The following SMUG1 variants were observed in gnomAD, a reference collection of about 807,000 sequenced individuals.
The protein encoded by SMUG1 is single-strand selective monofunctional uracil DNA glycosylase.
A neutral mutation model predicts 23.9 loss-of-function variants in SMUG1; 13 were observed. The observed-to-expected ratio is 0.54, with a 90% CI of 0.35 to 0.86. The LOEUF is 0.86. Among genes scored for constraint, SMUG1 ranks in the 40% least tolerant of loss-of-function variants. The pLI is 0.01. For missense variants in SMUG1, 313 were observed against 339.5 expected, an observed-to-expected ratio of 0.92 and a Z score of 0.61; for synonymous variants, 133 against 139.8, an observed-to-expected ratio of 0.95 and a Z score of 0.34.
intron 3 of SMUG1, among the ~76,000 whole-genome samples, chr12:54,166,382 T>C (rs1478509910): frequency 6.6e-6 from 1 of 151,918 alleles, no homozygotes; most frequent in African/African-American, 2.4e-5. Context: ...GATAAATAAA[T>C]GTCAGAGGCC....
Position 54,182,529 on chromosome 12 carries a change from A to G in SMUG1, c.380T>C (p.Leu127Pro). The G allele has an allele frequency of 6.2e-7, 1 of 1,614,180 alleles. No individual in the cohort carries two copies. The highest frequency in any genetic ancestry group is 8.5e-7 in the Non-Finnish European group (1 of 1,180,018). Residue 127 changes from leucine to proline, a missense_variant, in exon 4 of 4, where the codon CTG becomes CCG. Coordinates refer to ENST00000682136, the MANE Select transcript of SMUG1 (RefSeq NM_001243787.2). ...TTCTGACTGTGGGCACTCCAGTCCC[A>G]GCACTGGTCGTTTAGGATGCTCTTG... is the stretch of plus-strand genomic sequence containing the variant. ...PPQEHPKRPV[L>P]GLECPQSEVS...
At chr12:54,164,476 G>C (rs1241725163), downstream of SMUG1, 1 of 152,414 alleles carries the variant, frequency 6.6e-6, no homozygotes, top group Non-Finnish European at 1.5e-5. Context: ...CAGCAAGCCA[G>C]AGCCAGCACA....
chr12:54,186,552 G>C (rs928371327), intron 2 of SMUG1, among the ~76,000 whole-genome samples: 1 of 152,078 alleles, frequency 6.6e-6, no homozygotes, highest in African/African-American at 2.4e-5. Context: ...ATGTTGGTCA[G>C]GCTGGTCTCG....
intron 2 of SMUG1, among the ~76,000 whole-genome samples, chr12:54,185,305 C>CA (rs759445921): frequency 0.026 from 3,604 of 137,598 alleles, 67 homozygotes; most frequent in Non-Finnish European, 0.041. Context: ...AACTCTCTCT[C>CA]AAAAAAAAAA....
intron 3 of SMUG1, chr12:54,165,538 G>C (rs920210932): frequency 1.3e-5 from 2 of 152,220 alleles, no homozygotes; most frequent in African/African-American, 4.8e-5. Context: ...CAGGCATGCT[G>C]ATGCAGGACT....
At chr12:54,164,214 C>T (rs1020132110), downstream of SMUG1, among the ~76,000 whole-genome samples, 1 of 150,414 alleles carries the variant, frequency 6.6e-6, no homozygotes, top group Non-Finnish European at 1.5e-5. Context: ...GAGGGGAACC[C>T]ACTGGGGCAG....
chr12:54,179,267 T>C (rs2136559648), downstream of SMUG1, among the ~76,000 whole-genome samples: 1 of 152,266 alleles, frequency 6.6e-6, no homozygotes. Context: ...AAACTCCTTT[T>C]CATATATACA....
At chr12:54,158,687 G>A (rs759014716) in intron 4 of SMUG1, among the ~76,000 whole-genome samples, 6 of 152,038 alleles carry the variant, frequency 3.9e-5, no homozygotes, top group Non-Finnish European at 8.8e-5. Context: ...ACCTCCTCAA[G>A]CGTCCAGTTC....
At chr12:54,159,925 G>A (rs1940190380), downstream of SMUG1, among the ~76,000 whole-genome samples, 1 of 152,254 alleles carries the variant, frequency 6.6e-6, no homozygotes, top group African/African-American at 2.4e-5. Flanking sequence ...CTTGGGCACA[G>A]ATGGGCGTGT....
chr12:54,185,492 AT>A (rs59211878), intron 2 of SMUG1, among the ~76,000 whole-genome samples: 17,267 of 86,804 alleles, frequency 0.2, 4,995 homozygotes, highest in Non-Finnish European at 0.25. Flanking sequence ...TAAAAAATAA[AT>A]AAATAAATAA....
rs373898151 is a variant in SMUG1, at chr12:54,182,181, C to T, written c.728G>A (p.Arg243His). 1.7e-5 allele frequency: 28 copies of T among 1,609,734 alleles called. No homozygotes were observed. The highest frequency in any genetic ancestry group is 2.0e-5 in the Non-Finnish European group (24 of 1,177,208). Residue 243 changes from arginine to histidine, a missense_variant, in exon 4 of 4, where the codon CGT becomes CAT. Coordinates refer to ENST00000682136, the MANE Select transcript of SMUG1 (RefSeq NM_001243787.2). Reference sequence around the variant, plus strand: ...CCAGCCCTTGTTGGCCTGTGGGTTACGGGGAGAGGGATGCAGGAGCCCTTC... The same window carrying T: ...CCAGCCCTTGTTGGCCTGTGGGTTATGGGGAGAGGGATGCAGGAGCCCTTC... ...QVEGLLHPSPRNPQANKGWEA... is the reference protein window; with the variant it reads ...QVEGLLHPSPHNPQANKGWEA...
chr12:54,165,399 T>C (rs138072489), exon 4 of SMUG1: 39 of 152,308 alleles, frequency 2.6e-4, no homozygotes, highest in African/African-American at 9.1e-4. Flanking sequence ...TCGCCAGGTG[T>C]AGTGGCCCAT....
Position 54,180,827 on chromosome 12 carries a change from A to C in SMUG1, c.*1269T>G, listed in dbSNP as rs1940952904. 2 of 152,306 alleles carry C rather than the reference A, an allele frequency of 1.3e-5. No homozygotes were observed. The highest frequency in any genetic ancestry group is 6.5e-5 in the Admixed American group (1 of 15,298). 9.4% of individuals were successfully genotyped at this position (152,306 alleles called of 1,614,324 possible). A position where few individuals can be genotyped will look rare whatever the true frequency, so the allele number is the denominator to read the frequency against. ...ACATGGTGAAACACTGTCTTTAATAAAAATACAAAAATTAGCCAGGCGTGG... is the reference window on the plus strand; with the variant it reads ...ACATGGTGAAACACTGTCTTTAATACAAATACAAAAATTAGCCAGGCGTGG... On this transcript the variant is annotated 3_prime_UTR_variant, in exon 4 of 4. Coordinates refer to ENST00000682136, the MANE Select transcript of SMUG1 (RefSeq NM_001243787.2).
At chr12:54,183,604 G>T in intron 3 of SMUG1, 52 bp downstream of exon 3, 2 of 1,586,608 alleles carry the variant, frequency 1.3e-6, no homozygotes, top group Non-Finnish European at 1.7e-6. Context: ...ACCCAGCCAA[G>T]CATCCACCTA....
intron 2 of SMUG1, chr12:54,173,059 CCA>C (rs1247397560): frequency 1.1e-5 from 1 of 89,020 alleles, no homozygotes; most frequent in African/African-American, 5.4e-5. Flanking sequence ...ATGCAGAAGG[CCA>C]GAGACAAGAA....
chr12:54,182,987 A>T, intron 3 of SMUG1: 1 of 226,062 alleles, frequency 4.4e-6, no homozygotes. Context: ...AGGCACAAGG[A>T]TGGGCTGACC....
Position 54,181,457 on chromosome 12 carries a change from A to T in SMUG1, c.*639T>A. On this transcript the variant is annotated 3_prime_UTR_variant, in exon 4 of 4. Coordinates refer to ENST00000682136, the MANE Select transcript of SMUG1 (RefSeq NM_001243787.2). ...CCCATAAGGTAGGCATCCCTGTTTT[A>T]CAGATGAGGAGCCTGAGGCATAGAG... The T allele has an allele frequency of 8.8e-7, 1 of 1,135,778 alleles. No homozygotes were observed. 70.4% of individuals were successfully genotyped at this position (1,135,778 alleles called of 1,614,324 possible). A position where few individuals can be genotyped will look rare whatever the true frequency, so the allele number is the denominator to read the frequency against.
intron 3 of SMUG1, among the ~76,000 whole-genome samples, chr12:54,168,931 AAGAC>A (rs1047911549): frequency 6.6e-5 from 10 of 152,172 alleles, no homozygotes; most frequent in African/African-American, 2.2e-4. Context: ...AAGGGAGTCT[AAGAC>A]AGTCCCCGAA....
At chr12:54,188,260 T>C (rs1406477625) in intron 1 of SMUG1, among the ~76,000 whole-genome samples, 4 of 111,536 alleles carry the variant, frequency 3.6e-5, no homozygotes, top group South Asian at 3.1e-4. Context: ...ATAAATATCC[T>C]TAAACGAAAT....
Sources: allele counts gnomAD v4.1 joint callset (sites outside exome capture counted in the v4.1 genomes callset), GRCh38; gene constraint gnomAD v4.1.1; transcripts MANE v1.5; gene names NCBI Gene and HGNC (gene_info 2026-07-23, HGNC 2026-07-21).